COQ8A: variants seen among roughly 807,000 people sequenced by gnomAD.
COQ8A encodes coenzyme Q8A.
COQ8A carries 51 observed loss-of-function variants against 65.0 expected under a neutral mutation model. The observed-to-expected ratio is 0.78, with a 90% CI of 0.63 to 0.99. The LOEUF is 0.99. Among genes scored for constraint, COQ8A ranks in the 50% least tolerant of loss-of-function variants. The pLI is 0.00. For synonymous variants in COQ8A, 371 were observed against 353.2 expected, an observed-to-expected ratio of 1.05 and a Z score of -0.57; for missense variants, 940 against 875.0, an observed-to-expected ratio of 1.07 and a Z score of -0.94.
intron 1 of COQ8A, among the ~76,000 whole-genome samples, chr1:226,959,047 C>A (rs1657990185): frequency 4.6e-5 from 7 of 151,962 alleles, no homozygotes; most frequent in Admixed American, 4.6e-4. Context: ...TCTTGGTACA[C>A]CCCTGGAAGG....
At chr1:226,945,021 A>G (rs1656944073) in intron 1 of COQ8A, among the ~76,000 whole-genome samples, 2 of 152,144 alleles carry the variant, frequency 1.3e-5, no homozygotes, top group South Asian at 2.1e-4. Context: ...CTCTAGAAGG[A>G]TCAGTATCTG....
chr1:226,959,806 G>C (rs894515525), intron 1 of COQ8A, among the ~76,000 whole-genome samples: 2 of 152,202 alleles, frequency 1.3e-5, no homozygotes, highest in African/African-American at 4.8e-5. Context: ...GAGTTCACTG[G>C]GTATGTAGGA....
intron 1 of COQ8A, among the ~76,000 whole-genome samples, chr1:226,954,386 C>T (rs1416416165): frequency 3.9e-5 from 6 of 152,386 alleles, no homozygotes; most frequent in Admixed American, 3.9e-4. Flanking sequence ...TGCTCCCCTT[C>T]CCTCTCTTCC....
chr1:226,982,902 C>A lies in COQ8A; in HGVS notation c.948C>A (p.Leu316=), dbSNP rs55637780. ...FMPLKQMMKT[L]NNDLGPNWRD... ...CTGGCCCTGCCCTTCAGAAAACTCT[C>A]AACAACGACCTGGGCCCCAACTGGC... Residue 316 remains leucine, a synonymous_variant, in exon 8 of 15, where the codon CTC becomes CTA. Transcript: ENST00000366777. The A allele has an allele frequency of 4.3e-6, 7 of 1,612,674 alleles. No individual in the cohort carries two copies. Among genetic ancestry groups the A allele is most frequent in the Admixed American group, 3.3e-5 (2 of 59,986 alleles).
intron 1 of COQ8A, among the ~76,000 whole-genome samples, chr1:226,960,276 CGGTGGTACTTGGT>C (rs1161364515): frequency 2.3e-4 from 3 of 13,096 alleles, no homozygotes; most frequent in African/African-American, 7.2e-4. Flanking sequence ...TACTTGGTGG[CGGTGGTACTTGGT>C]GGTGGTACTT....
chr1:226,949,943 A>G lies in COQ8A; in HGVS notation c.-10+9544A>G, dbSNP rs1425820097. 6.6e-6 allele frequency among the ~76,000 whole-genome samples: 1 copy of G among 152,218 alleles called. No individual in the cohort carries two copies. The highest frequency in any genetic ancestry group is 1.5e-5 in the Non-Finnish European group (1 of 68,044). ...CAGAGTCATGATGTGAACCCAGATC[A>G]CCTAACCTCAGAGCATCTTAACCAT... On this transcript the variant is annotated intron_variant, in intron 1 of 14. Transcript: ENST00000366777. This position sits in a 1 kb window ranked among gnomAD's most constrained non-coding sequence, Gnocchi z 4.0.
chr1:226,984,074 G>C lies in COQ8A; in HGVS notation c.1257-20G>C, dbSNP rs752645843. 1.5e-4 allele frequency: 238 copies of C among 1,612,572 alleles called. No individual in the cohort carries two copies. Among genetic ancestry groups the C allele is most frequent in the Non-Finnish European group, 1.9e-4 (226 of 1,179,852 alleles). Reference sequence around the variant, plus strand: ...TGTGGAGGGCCTGTGGCTAGGGCGTGACCTCCCTCCCCTACCCAGGGACCT... The same window carrying C: ...TGTGGAGGGCCTGTGGCTAGGGCGTCACCTCCCTCCCCTACCCAGGGACCT... On this transcript the variant is annotated intron_variant, in intron 10 of 14. Coordinates refer to ENST00000366777, the MANE Select transcript of COQ8A (RefSeq NM_020247.5).
intron 1 of COQ8A, chr1:226,958,068 G>A (rs1262168684): frequency 1.3e-5 from 2 of 152,022 alleles, no homozygotes; most frequent in African/African-American, 2.4e-5. Flanking sequence ...CTTTAATCGT[G>A]ATCCCAACTC....
chr1:226,943,555 T>A (rs886699892), intron 1 of COQ8A, among the ~76,000 whole-genome samples: 1 of 152,164 alleles, frequency 6.6e-6, no homozygotes, highest in African/African-American at 2.4e-5. Context: ...CAGGTGGAAT[T>A]TCTAGACTGA....
At chr1:226,960,789 T>A (rs977091517) in intron 1 of COQ8A, among the ~76,000 whole-genome samples, 16 of 151,924 alleles carry the variant, frequency 1.1e-4, no homozygotes, top group African/African-American at 3.9e-4. Flanking sequence ...CCCTGAGGGG[T>A]CAGGGAGGGG....
At chr1:226,976,056 C>T (rs4570388) in intron 4 of COQ8A, among the ~76,000 whole-genome samples, 7 of 150,818 alleles carry the variant, frequency 4.6e-5, no homozygotes, top group Admixed American at 2.0e-4. Context: ...GCCTGGCTGC[C>T]GGGCAGTGGG....
chr1:226,957,878 C>T (rs1467633564), intron 1 of COQ8A, among the ~76,000 whole-genome samples: 2 of 152,098 alleles, frequency 1.3e-5, no homozygotes, highest in Non-Finnish European at 2.9e-5. Flanking sequence ...AGCCTTGTCT[C>T]CAGCATGAGT....
At chr1:226,967,509 A>T (rs1274863408) in intron 4 of COQ8A, among the ~76,000 whole-genome samples, 1 of 152,242 alleles carries the variant, frequency 6.6e-6, no homozygotes, top group South Asian at 2.1e-4. Flanking sequence ...GAAAGTCTTG[A>T]TGGTGAATTA....
intron 1 of COQ8A, among the ~76,000 whole-genome samples, chr1:226,948,397 A>G (rs1383638459): frequency 6.6e-6 from 1 of 152,072 alleles, no homozygotes; most frequent in East Asian, 1.9e-4. Flanking sequence ...ATAATCCCCC[A>G]TCTCAGGATC....
chr1:226,954,642 G>C (rs1657579854), intron 1 of COQ8A, among the ~76,000 whole-genome samples: 1 of 152,254 alleles, frequency 6.6e-6, no homozygotes, highest in Non-Finnish European at 1.5e-5. Context: ...AAAGTTGCCA[G>C]CAAGTGTGAG....
rs1553279112 is a variant in COQ8A, at chr1:226,978,558, C to CCA, written c.730+1038_730+1039dup. ...CACCTCCTTACCCTCCACACACCCCCCACAGCCACACACCACCTTACACAC... is the reference window on the plus strand; with the variant it reads ...CACCTCCTTACCCTCCACACACCCCCCACACAGCCACACACCACCTTACACAC... On this transcript the variant is annotated intron_variant, in intron 5 of 14. Coordinates refer to ENST00000366777, the MANE Select transcript of COQ8A (RefSeq NM_020247.5). Among the ~76,000 whole-genome samples the CCA allele has an allele frequency of 7.2e-5, 6 of 82,864 alleles. 2 individuals carry two copies. The highest frequency in any genetic ancestry group is 2.2e-4 in the Non-Finnish European group (6 of 27,900). 54.4% of individuals were successfully genotyped at this position (82,864 alleles called of 152,430 possible).
chr1:226,944,495 G>A (rs1281982888), intron 1 of COQ8A, among the ~76,000 whole-genome samples: 2 of 151,930 alleles, frequency 1.3e-5, no homozygotes, highest in African/African-American at 2.4e-5. Flanking sequence ...AGTGTGGGAG[G>A]AGATTGGACA....
In COQ8A at chr1:226,982,058, C is replaced by T. The variant is rs1659730004; in HGVS notation, c.762C>T (p.Phe254=). 2 of 1,612,934 alleles carry T rather than the reference C, an allele frequency of 1.2e-6. No homozygotes were observed. Among genetic ancestry groups the T allele is most frequent in the East Asian group, 2.2e-5 (1 of 44,874 alleles). Residue 254 remains phenylalanine, a synonymous_variant, in exon 6 of 15, where the codon TTC becomes TTT. Coordinates refer to ENST00000366777, the MANE Select transcript of COQ8A (RefSeq NM_020247.5). ...AGGCCGTGCTGGGTTCCAGTCCTTT[C>T]CTGTCCGAGGCCAATGCAGAGCGGA... The part of the protein sequence containing the change: ...GKKAVLGSSP[F]LSEANAERIV...
intron 14 of COQ8A, among the ~76,000 whole-genome samples, chr1:226,985,555 G>A (rs1252899964): frequency 4.6e-5 from 7 of 152,312 alleles, no homozygotes; most frequent in South Asian, 2.1e-4. Context: ...GGGACTTGTC[G>A]TGAAGCTCTT....
Sources: gnomAD v4.1 joint callset for allele counts (sites outside exome capture counted in the v4.1 genomes callset) on GRCh38, gnomAD v4.1.1 for gene constraint, Gnocchi (gnomAD v3.1) non-coding constraint, MANE v1.5 for transcripts, NCBI Gene and HGNC (gene_info 2026-07-23, HGNC 2026-07-21) for gene names.